The following MITF variants were observed in gnomAD, a reference collection of about 807,000 sequenced individuals.
The protein encoded by MITF is melanocyte inducing transcription factor.
Under a neutral mutation model 60.5 loss-of-function variants are expected in MITF, and 17 were observed. That is an observed-to-expected ratio of 0.28 (90% CI 0.19 to 0.42). The LOEUF (loss-of-function observed/expected upper bound fraction) is 0.42. Ranked by LOEUF, MITF falls within the 10% of genes least tolerant of loss-of-function variation. The probability of loss-of-function intolerance (pLI) is 1.00; values close to 1 mark genes in which losing one functional copy is unlikely to be tolerated. For synonymous variants in MITF, 260 were observed against 248.5 expected, an observed-to-expected ratio of 1.05 and a Z score of -0.43; for missense variants, 622 against 683.5, an observed-to-expected ratio of 0.91 and a Z score of 1.00.
intron 1 of MITF, among the ~76,000 whole-genome samples, chr3:69,800,378 C>A (rs538578395): frequency 3.2e-4 from 48 of 152,314 alleles, no homozygotes; most frequent in Admixed American, 9.1e-4. Flanking sequence ...ATTGCTTCCA[C>A]TTTTGCCTGC....
chr3:69,742,273 T>C (rs1235954782), intron 1 of MITF, among the ~76,000 whole-genome samples: 2 of 152,122 alleles, frequency 1.3e-5, no homozygotes, highest in Admixed American at 1.3e-4. Flanking sequence ...TCATTACCCA[T>C]ATCTAGTAGG....
At chr3:69,950,993 A>G (rs1358964859) in intron 6 of MITF, among the ~76,000 whole-genome samples, 1 of 152,058 alleles carries the variant, frequency 6.6e-6, no homozygotes, top group African/African-American at 2.4e-5. Flanking sequence ...TGATTTCATT[A>G]CAGCAGGTTT....
At chr3:69,938,313 T>C (rs1188576413) in intron 3 of MITF, 3 of 1,540,788 alleles carry the variant, frequency 1.9e-6, no homozygotes, top group South Asian at 2.4e-5. Flanking sequence ...TGCTTCTTCT[T>C]CCTTAGCTGA....
intron 2 of MITF, among the ~76,000 whole-genome samples, chr3:69,905,007 T>A (rs1430600): frequency 0.033 from 4,988 of 152,234 alleles, 185 homozygotes; most frequent in African/African-American, 0.084. Context: ...TAAAGTACAC[T>A]TGTTCCAAGT....
intron 5 of MITF, among the ~76,000 whole-genome samples, chr3:69,947,852 T>C (rs2066139124): frequency 6.6e-6 from 1 of 152,170 alleles, no homozygotes; most frequent in Admixed American, 6.6e-5. Flanking sequence ...CAGAAATAGA[T>C]GCAATGGTTA....
At chr3:69,885,040 T>G (rs2064578268) in intron 2 of MITF, among the ~76,000 whole-genome samples, 1 of 152,124 alleles carries the variant, frequency 6.6e-6, no homozygotes, top group Non-Finnish European at 1.5e-5. Context: ...AAGGGCATTT[T>G]CATGTAACTG....
chr3:69,894,059 A>T (rs1428524068), intron 2 of MITF, among the ~76,000 whole-genome samples: 1 of 152,214 alleles, frequency 6.6e-6, no homozygotes, highest in East Asian at 1.9e-4. Flanking sequence ...TTTCACTTAT[A>T]AGCTGAGAAG....
chr3:69,851,750 G>T (rs552871244), intron 1 of MITF, among the ~76,000 whole-genome samples: 10 of 152,092 alleles, frequency 6.6e-5, no homozygotes, highest in African/African-American at 2.2e-4. Flanking sequence ...ACATGGCTCT[G>T]TGCATCTCAA....
At chr3:69,767,165 T>C (rs1377811762) in intron 1 of MITF, among the ~76,000 whole-genome samples, 1 of 152,212 alleles carries the variant, frequency 6.6e-6, no homozygotes, top group African/African-American at 2.4e-5. Context: ...CATGTCTCCA[T>C]CTGGGGCACA....
chr3:69,842,882 T>G (rs1203115338), intron 1 of MITF, among the ~76,000 whole-genome samples: 2 of 152,166 alleles, frequency 1.3e-5, no homozygotes, highest in East Asian at 1.9e-4. Flanking sequence ...TTTTGTTTGT[T>G]TGTTTGTTTG....
chr3:69,965,144 G>T lies in MITF; in HGVS notation c.1477G>T (p.Val493Phe). 6.2e-7 allele frequency: 1 copy of T among 1,614,018 alleles called. No homozygotes were observed. Among genetic ancestry groups the T allele is most frequent in the Non-Finnish European group, 8.5e-7 (1 of 1,179,978 alleles). The change falls in exon 10 of 10, where the codon GTC (valine) becomes TTC (phenylalanine). Residue 493 changes from valine (V) to phenylalanine (F), a missense_variant. Around this residue, in one of 5 missense-constraint regions of MITF, gnomAD observed 224 missense variants for 209.5 expected, o/e 1.07. Transcript: ENST00000352241. ...DILMDDTLSP[V>F]GVTDPLLSSV... ...CCTGATGGACGACACCCTTTCTCCCGTCGGTGTCACTGATCCACTCCTTTC... is the reference window on the plus strand; with the variant it reads ...CCTGATGGACGACACCCTTTCTCCCTTCGGTGTCACTGATCCACTCCTTTC...
chr3:69,944,957 T>G (rs2066058548), intron 5 of MITF, among the ~76,000 whole-genome samples: 1 of 152,166 alleles, frequency 6.6e-6, no homozygotes, highest in African/African-American at 2.4e-5. Context: ...TTTATTTGAT[T>G]ATTTGAAATG....
chr3:69,765,604 G>T (rs904106185), intron 1 of MITF, among the ~76,000 whole-genome samples: 1 of 152,262 alleles, frequency 6.6e-6, no homozygotes, highest in East Asian at 1.9e-4. Context: ...TGCAGACCAA[G>T]CTCATATGTG....
At chr3:69,795,608 C>T (rs2062814612) in intron 1 of MITF, among the ~76,000 whole-genome samples, 1 of 152,020 alleles carries the variant, frequency 6.6e-6, no homozygotes, top group African/African-American at 2.4e-5. Flanking sequence ...TACCTGTGGT[C>T]CCAGCTACTT....
intron 2 of MITF, among the ~76,000 whole-genome samples, chr3:69,917,771 G>GATC (rs777058467): frequency 3.9e-5 from 6 of 152,130 alleles, no homozygotes; most frequent in African/African-American, 4.8e-5. Flanking sequence ...TGGTGGGCAG[G>GATC]TTGGTTGGTA....
intron 1 of MITF, among the ~76,000 whole-genome samples, chr3:69,746,774 G>C (rs1484222500): frequency 1.3e-5 from 2 of 152,176 alleles, no homozygotes; most frequent in Non-Finnish European, 2.9e-5. Context: ...TATACCAAGG[G>C]ATAAGTCTGC....
chr3:69,904,595 G>T (rs142490041), intron 2 of MITF, among the ~76,000 whole-genome samples: 18 of 152,022 alleles, frequency 1.2e-4, no homozygotes, highest in Non-Finnish European at 1.9e-4. Flanking sequence ...CACTCCTTCC[G>T]TAGAATTTGG....
chr3:69,955,038 T>G (rs914399862), intron 7 of MITF, among the ~76,000 whole-genome samples: 3 of 152,230 alleles, frequency 2.0e-5, no homozygotes, highest in Non-Finnish European at 1.5e-5. Context: ...TGCCTTATTA[T>G]GTCATCCTCC....
At chr3:69,771,248 G>GT (rs1292374591) in intron 1 of MITF, among the ~76,000 whole-genome samples, 3 of 107,434 alleles carry the variant, frequency 2.8e-5, no homozygotes, top group Middle Eastern at 5.3e-3. Flanking sequence ...TTTAAACATG[G>GT]GTTTTTTTTT....
Sources: allele counts gnomAD v4.1 joint callset (sites outside exome capture counted in the v4.1 genomes callset), GRCh38; gene constraint gnomAD v4.1.1; regional missense constraint gnomAD v4.1.1; transcripts MANE v1.5; gene names NCBI Gene and HGNC (gene_info 2026-07-23, HGNC 2026-07-21).